Variants in PCDHA2 observed in about 807,000 individuals in gnomAD.
PCDHA2 encodes the protein protocadherin alpha-2.
In PCDHA2, 58 loss-of-function variants were observed where a neutral mutation model predicts 66.0. That is an observed-to-expected ratio of 0.88 (90% CI 0.71 to 1.09). The LOEUF (loss-of-function observed/expected upper bound fraction) is 1.09. Among genes scored for constraint, PCDHA2 ranks in the 50% least tolerant of loss-of-function variants. PCDHA2 has a pLI of 0.00. For synonymous variants in PCDHA2, 634 were observed against 554.0 expected (o/e 1.14, Z -2.03); for missense variants, 1,267 against 1,242.3 (o/e 1.02, Z -0.30).
Position 140,796,083 on chromosome 5 carries a change from G to C in PCDHA2, c.1119G>C (p.Thr373=), listed in dbSNP as rs782043992. Residue 373 remains threonine, a synonymous_variant, in exon 1 of 4, where the codon ACG becomes ACC. Coordinates refer to ENST00000526136, the MANE Select transcript of PCDHA2 (RefSeq NM_018905.3). ...TGGGCACTGTCATTGCTCTCATCACGGTGTCGGATCGCGACTCTGGTACGA... is the reference window on the plus strand; with the variant it reads ...TGGGCACTGTCATTGCTCTCATCACCGTGTCGGATCGCGACTCTGGTACGA... ...ASLGTVIALI[T]VSDRDSGTNG... is the part of the protein sequence containing the mutation. The C allele has an allele frequency of 1.4e-5, 23 of 1,614,142 alleles. No individual in the cohort carries two copies. Among genetic ancestry groups the C allele is most frequent in the Non-Finnish European group, 1.8e-5 (21 of 1,180,040 alleles).
chr5:140,812,406 A>G (rs2150029972), intron 1 of PCDHA2: 1 of 151,748 alleles, frequency 6.6e-6, no homozygotes, highest in Admixed American at 6.6e-5. Context: ...GGGGCTTGTC[A>G]GTTTTGTTGT....
intron 1 of PCDHA2, chr5:140,928,909 C>T (rs1364728842): frequency 1.6e-5 from 26 of 1,614,034 alleles, no homozygotes; most frequent in Non-Finnish European, 2.1e-5. Flanking sequence ...TGTCTGGGAA[C>T]CAGGAGGGCA....
chr5:140,981,504 G>A (rs1435264364), intron 2 of PCDHA2, among the ~76,000 whole-genome samples: 1 of 152,182 alleles, frequency 6.6e-6, no homozygotes, highest in African/African-American at 2.4e-5. Flanking sequence ...AACCTGGGAG[G>A]CAGAGGTTGC....
chr5:141,007,277 C>T (rs2098312243), intron 3 of PCDHA2, among the ~76,000 whole-genome samples: 1 of 151,304 alleles, frequency 6.6e-6, no homozygotes, highest in Non-Finnish European at 1.5e-5. Context: ...AGGCTGGGTG[C>T]AGTGGGCTCA....
At chr5:140,918,789 G>A (rs1453306973) in intron 1 of PCDHA2, among the ~76,000 whole-genome samples, 7 of 142,426 alleles carry the variant, frequency 4.9e-5, no homozygotes, top group African/African-American at 1.9e-4. Flanking sequence ...TGAGGACACA[G>A]CAAAAATGTG....
chr5:140,954,025 C>T (rs533473552), intron 1 of PCDHA2, among the ~76,000 whole-genome samples: 385 of 152,188 alleles, frequency 2.5e-3, no homozygotes, highest in Middle Eastern at 0.014. Context: ...CATAGTGGGA[C>T]GATGTGGTAT....
At chr5:140,853,589 C>T (rs1053953271) in intron 1 of PCDHA2, 2 of 986,246 alleles carry the variant, frequency 2.0e-6, no homozygotes, top group Non-Finnish European at 1.2e-6. Context: ...ATCTTAGACA[C>T]TTTGAGAGCA....
At chr5:140,857,375 G>A (rs1554149916) in intron 1 of PCDHA2, 2 of 1,598,360 alleles carry the variant, frequency 1.3e-6, no homozygotes, top group Non-Finnish European at 1.7e-6. Context: ...CGTGTCTGTG[G>A]AGGTGGCCGA....
chr5:140,866,359 A>ATT (rs1376841789), intron 1 of PCDHA2: 14 of 152,148 alleles, frequency 9.2e-5, no homozygotes, highest in African/African-American at 2.9e-4. Context: ...TGTTTACAAT[A>ATT]TTGCATACTT....
intron 1 of PCDHA2, among the ~76,000 whole-genome samples, chr5:140,912,566 T>G (rs1562988008): frequency 2.0e-5 from 3 of 152,178 alleles, no homozygotes; most frequent in Admixed American, 1.3e-4. Context: ...CAGTTTTAAC[T>G]TCCTCTTTTC....
intron 1 of PCDHA2, chr5:140,883,535 C>A: frequency 6.2e-7 from 1 of 1,614,248 alleles, no homozygotes; most frequent in South Asian, 1.1e-5. Flanking sequence ...AGCCTATGAA[C>A]TGGTGGTGAC....
At chr5:140,878,689 AT>A (rs1582445250) in intron 1 of PCDHA2, among the ~76,000 whole-genome samples, 1 of 152,246 alleles carries the variant, frequency 6.6e-6, no homozygotes, top group Admixed American at 6.5e-5. Flanking sequence ...AAAGTCTTAC[AT>A]ACCCCAGCCT....
intron 1 of PCDHA2, chr5:140,859,639 T>G (rs1419564799): frequency 6.3e-6 from 1 of 159,542 alleles, no homozygotes; most frequent in Non-Finnish European, 1.4e-5. Flanking sequence ...GAGATTGAAT[T>G]TGTTACTCAG....
chr5:140,831,150 G>C (rs2150192087), intron 1 of PCDHA2: 1 of 152,114 alleles, frequency 6.6e-6, no homozygotes, highest in African/African-American at 2.4e-5. Context: ...ATTTACTACC[G>C]ATCTAAATAA....
In PCDHA2 at chr5:140,886,468, T is replaced by C. The variant is rs138596929; in HGVS notation, c.2388+89116T>C. The stretch of plus-strand genomic sequence containing the variant: ...TAATTTTGTCATATATAAATGTTTT[T>C]AAAATGTATGAATTAAAATATATCT... On this transcript the variant is annotated intron_variant, in intron 1 of 3. Coordinates refer to ENST00000526136, the MANE Select transcript of PCDHA2 (RefSeq NM_018905.3). Among the ~76,000 whole-genome samples, 1,063 of 152,318 alleles carry C rather than the reference T, an allele frequency of 7.0e-3. 10 individuals carry two copies. Among genetic ancestry groups the C allele is most frequent in the Non-Finnish European group, 0.012 (787 of 68,024 alleles).
In PCDHA2 at chr5:140,936,501, T is replaced by A. The variant is rs192125282; in HGVS notation, c.2389-42448T>A. On this transcript the variant is annotated intron_variant, in intron 1 of 3. Transcript: ENST00000526136. ...AGCTTTCTTGTTTTAACTTGCACATTTAGATCTTAAATTACCTGAAATTGC... is the reference window on the plus strand; with the variant it reads ...AGCTTTCTTGTTTTAACTTGCACATATAGATCTTAAATTACCTGAAATTGC... Among the ~76,000 whole-genome samples, 509 of 152,360 alleles carry A rather than the reference T, an allele frequency of 3.3e-3. 1 individual carries two copies. Among genetic ancestry groups the A allele is most frequent in the African/African-American group, 0.011 (472 of 41,592 alleles).
intron 1 of PCDHA2, among the ~76,000 whole-genome samples, chr5:140,943,257 CA>C (rs1238620023): frequency 1.6e-3 from 121 of 77,534 alleles, no homozygotes; most frequent in Middle Eastern, 7.2e-3. Flanking sequence ...GACTCTGTCT[CA>C]AAAAAAAAAA....
rs376783132 is a variant in PCDHA2 at position 140,796,214 on chromosome 5, G to A, written c.1250G>A (p.Ser417Asn). 3.1e-6 allele frequency: 5 copies of A among 1,614,220 alleles called. No individual in the cohort carries two copies. Among genetic ancestry groups the A allele is most frequent in the Non-Finnish European group, 4.2e-6 (5 of 1,180,054 alleles). Residue 417 changes from serine (S) to asparagine (N), a missense_variant, in exon 1 of 4, where the codon AGC becomes AAC. Transcript: ENST00000526136. The part of the protein sequence containing the change: ...LVLDSALDRE[S>N]VSAYELVVTA... ...CTGGACAGCGCCCTGGACCGCGAGA[G>A]CGTGTCAGCCTATGAGCTGGTGGTG...
At chr5:140,884,341 G>C in intron 1 of PCDHA2, 2 of 1,613,910 alleles carry the variant, frequency 1.2e-6, no homozygotes, top group Non-Finnish European at 1.7e-6. Context: ...GTCCAGAAGC[G>C]GCGCTGGTGG....
Sources: gnomAD v4.1 joint callset for allele counts (sites outside exome capture counted in the v4.1 genomes callset) on GRCh38, gnomAD v4.1.1 for gene constraint, MANE v1.5 for transcripts, NCBI Gene and HGNC (gene_info 2026-07-23, HGNC 2026-07-21) for gene names.